Variants in HS3ST3B1 observed in about 807,000 individuals in gnomAD.
The protein encoded by HS3ST3B1 is heparan sulfate glucosamine 3-O-sulfotransferase 3B1.
HS3ST3B1 carries 13 observed loss-of-function variants against 21.3 expected under a neutral mutation model. That is an observed-to-expected ratio of 0.61 (90% confidence interval 0.40 to 0.97). HS3ST3B1 has a LOEUF of 0.97. Among genes scored for constraint, HS3ST3B1 ranks in the 50% least tolerant of loss-of-function variants. The pLI is 0.00. For synonymous variants in HS3ST3B1, 234 were observed against 254.8 expected, an observed-to-expected ratio of 0.92 and a Z score of 0.78; for missense variants, 459 against 554.8, an observed-to-expected ratio of 0.83 and a Z score of 1.73.
At chr17:14,323,872 G>A (rs1909729792) in intron 1 of HS3ST3B1, among the ~76,000 whole-genome samples, 2 of 152,192 alleles carry the variant, frequency 1.3e-5, no homozygotes, top group African/African-American at 4.8e-5. Flanking sequence ...TTCAGGTGGT[G>A]TTTGCCTGTG....
chr17:14,338,150 G>A (rs1003956792), intron 1 of HS3ST3B1, among the ~76,000 whole-genome samples: 3 of 151,776 alleles, frequency 2.0e-5, no homozygotes, highest in Non-Finnish European at 2.9e-5. Flanking sequence ...TGTTTTAGAC[G>A]GAGTCTTGTT....
rs988024376 is a variant in HS3ST3B1 at position 14,312,258 on chromosome 17, A to G, written c.554+10186A>G. Among the ~76,000 whole-genome samples, 8 of 152,214 alleles carry G rather than the reference A, an allele frequency of 5.3e-5. No homozygotes were observed. The East Asian group carries it at 1.6e-3, about 30-fold the overall frequency. On this transcript the variant is annotated intron_variant, in intron 1 of 1. Coordinates refer to ENST00000360954, the MANE Select transcript of HS3ST3B1 (RefSeq NM_006041.3). Reference sequence around the variant, plus strand: ...ACTCACAGAGATTGCCTAAGGTCATACAGCTGTATCTGTAGGTGGCTCTAC... The same window carrying G: ...ACTCACAGAGATTGCCTAAGGTCATGCAGCTGTATCTGTAGGTGGCTCTAC...
chr17:14,338,185 G>T (rs1910246706), intron 1 of HS3ST3B1, among the ~76,000 whole-genome samples: 1 of 151,724 alleles, frequency 6.6e-6, no homozygotes, highest in African/African-American at 2.4e-5. Flanking sequence ...GAGTGCAGTG[G>T]TGCAATCTCA....
chr17:14,316,833 C>G (rs1567638264), intron 1 of HS3ST3B1, among the ~76,000 whole-genome samples: 1 of 152,204 alleles, frequency 6.6e-6, no homozygotes, highest in African/African-American at 2.4e-5. Flanking sequence ...GCTAGTGAAG[C>G]CTTTTAACAG....
chr17:14,307,485 T>C (rs1909173339), intron 1 of HS3ST3B1, among the ~76,000 whole-genome samples: 1 of 152,148 alleles, frequency 6.6e-6, no homozygotes, highest in South Asian at 2.1e-4. Flanking sequence ...TGTATGCTGA[T>C]TTATCTTTTT....
intron 1 of HS3ST3B1, among the ~76,000 whole-genome samples, chr17:14,312,765 G>T (rs1009434257): frequency 6.6e-6 from 1 of 151,862 alleles, no homozygotes; most frequent in Middle Eastern, 3.2e-3. Flanking sequence ...TCAGCTCTTG[G>T]GATCACATTG....
rs1910218442 is a variant in HS3ST3B1, at chr17:14,337,392, A to T, written c.555-7636A>T. Reference sequence around the variant, plus strand: ...GCCCAGGCTGGAGTGCAGTGTCAGGATCTCGGCTCACTGCAACCTCCATCT... The same window carrying T: ...GCCCAGGCTGGAGTGCAGTGTCAGGTTCTCGGCTCACTGCAACCTCCATCT... On this transcript the variant is annotated intron_variant, in intron 1 of 1. Transcript: ENST00000360954. Among the ~76,000 whole-genome samples, 6 of 148,662 alleles carry T rather than the reference A, an allele frequency of 4.0e-5. No homozygotes were observed. In the South Asian group the frequency reaches 1.3e-3, roughly 32 times the overall value.
intron 1 of HS3ST3B1, among the ~76,000 whole-genome samples, chr17:14,319,424 A>G (rs1909591845): frequency 6.6e-6 from 1 of 152,182 alleles, no homozygotes; most frequent in South Asian, 2.1e-4. Flanking sequence ...GACACAGGGA[A>G]GAGGGGGAGG....
chr17:14,327,898 G>A (rs1909864833), intron 1 of HS3ST3B1: 1 of 152,126 alleles, frequency 6.6e-6, no homozygotes, highest in Non-Finnish European at 1.5e-5. Context: ...TGCAATTAAA[G>A]ATTTTGTTTT....
intron 1 of HS3ST3B1, among the ~76,000 whole-genome samples, chr17:14,319,813 G>C (rs1231768894): frequency 2.0e-5 from 3 of 151,936 alleles, no homozygotes; most frequent in Admixed American, 6.6e-5. Flanking sequence ...TTGGGGAAAA[G>C]GTGGTGTTTG....
At position 14,302,452 on chromosome 17, in the gene HS3ST3B1, G is replaced by T. The variant is rs573485301; in HGVS notation, c.554+380G>T. Reference sequence around the variant, plus strand: ...ATTTTTTCCTCCCGGAGCCCGAGACGCTGGGAATGTTCTGAGCCCCTTTGG... The same window carrying T: ...ATTTTTTCCTCCCGGAGCCCGAGACTCTGGGAATGTTCTGAGCCCCTTTGG... On this transcript the variant is annotated intron_variant, in intron 1 of 1. Coordinates refer to ENST00000360954, the MANE Select transcript of HS3ST3B1 (RefSeq NM_006041.3). Among the ~76,000 whole-genome samples, 603 of 152,268 alleles carry T rather than the reference G, an allele frequency of 4.0e-3. 4 individuals are homozygous for T. The highest frequency in any genetic ancestry group is 6.8e-3 in the Non-Finnish European group (464 of 68,026).
intron 1 of HS3ST3B1, among the ~76,000 whole-genome samples, chr17:14,332,671 G>A (rs919796794): frequency 2.0e-5 from 3 of 151,376 alleles, no homozygotes; most frequent in Admixed American, 2.0e-4. Flanking sequence ...CCTTATTATC[G>A]CACTTCCTTC....
intron 1 of HS3ST3B1, among the ~76,000 whole-genome samples, chr17:14,323,888 A>C (rs2142337478): frequency 6.6e-6 from 1 of 152,332 alleles, no homozygotes; most frequent in East Asian, 1.9e-4. Flanking sequence ...CTGTGAGCTT[A>C]GTGCCCTATG....
At chr17:14,326,005 CTGTG>C (rs57813662) in intron 1 of HS3ST3B1, among the ~76,000 whole-genome samples, 1 of 151,150 alleles carries the variant, frequency 6.6e-6, no homozygotes, top group Admixed American at 6.6e-5. Flanking sequence ...TATGATGACT[CTGTG>C]TGTGTGTGTG....
At chr17:14,327,647 C>G (rs1287369947) in intron 1 of HS3ST3B1, 2 of 152,150 alleles carry the variant, frequency 1.3e-5, no homozygotes, top group African/African-American at 4.8e-5. Flanking sequence ...GTTTATTATT[C>G]CAAGTTGCCC....
At chr17:14,308,718 A>C (rs1051913339) in intron 1 of HS3ST3B1, among the ~76,000 whole-genome samples, 1 of 152,202 alleles carries the variant, frequency 6.6e-6, no homozygotes, top group Admixed American at 6.5e-5. Flanking sequence ...TTTAACATCA[A>C]GTTGATTGTG....
chr17:14,332,611 T>G (rs1229984367), intron 1 of HS3ST3B1, among the ~76,000 whole-genome samples: 1 of 152,022 alleles, frequency 6.6e-6, no homozygotes, highest in Non-Finnish European at 1.5e-5. Flanking sequence ...ATGCGGAGAC[T>G]GAAATAAGCC....
chr17:14,326,124 A>C lies in HS3ST3B1; in HGVS notation c.555-18904A>C, dbSNP rs79312949. 8.3e-3 allele frequency among the ~76,000 whole-genome samples: 1,262 copies of C among 152,240 alleles called. 27 individuals carry two copies. The highest frequency in any genetic ancestry group is 0.028 in the African/African-American group (1,168 of 41,522). On this transcript the variant is annotated intron_variant, in intron 1 of 1. Transcript: ENST00000360954. The stretch of plus-strand genomic sequence containing the variant: ...AAAAAGGAACAAGGAGTGTATAGAA[A>C]TATATTAGAAGAAGGAGGTCCAGAA...
chr17:14,339,786 G>T (rs1031695901), intron 1 of HS3ST3B1, among the ~76,000 whole-genome samples: 1 of 152,206 alleles, frequency 6.6e-6, no homozygotes, highest in African/African-American at 2.4e-5. Context: ...CCAGCCTGGG[G>T]CTGGACAGGC....
Sources: allele counts gnomAD v4.1 joint callset (sites outside exome capture counted in the v4.1 genomes callset), GRCh38; gene constraint gnomAD v4.1.1; transcripts MANE v1.5; gene names NCBI Gene and HGNC (gene_info 2026-07-23, HGNC 2026-07-21).